The following LRGUK variants were observed in gnomAD, a reference collection of about 807,000 sequenced individuals.
LRGUK encodes leucine-rich repeat and guanylate kinase domain-containing protein.
A neutral mutation model predicts 76.0 loss-of-function variants in LRGUK; 65 were observed. The observed-to-expected ratio is 0.85, with a 90% CI of 0.70 to 1.05. The LOEUF is 1.05. LRGUK is among the 50% of genes least tolerant of loss of function. The probability of loss-of-function intolerance (pLI) is 0.00; values close to 1 mark genes in which losing one functional copy is unlikely to be tolerated. For missense variants in LRGUK, 758 were observed against 732.8 expected (o/e 1.03, Z -0.40); for synonymous variants, 268 against 265.6 (o/e 1.01, Z -0.09).
intron 5 of LRGUK, 28 bp downstream of exon 5, chr7:134,148,347 A>G: frequency 7.6e-7 from 1 of 1,315,962 alleles, no homozygotes; most frequent in Non-Finnish European, 1.1e-6. Context: ...AAAGGGGAAA[A>G]TTTTAAAAAC....
the LRGUK span, among the ~76,000 whole-genome samples, chr7:134,271,520 A>C: frequency 6.6e-6 from 1 of 151,768 alleles, no homozygotes; most frequent in Non-Finnish European, 1.5e-5. Flanking sequence ...CAGTTGTCCC[A>C]TTACTCTCCC....
chr7:134,191,601 C>A, intron 11 of LRGUK, 54 bp from the exon 12 acceptor site: 1 of 1,158,576 alleles, frequency 8.6e-7, no homozygotes, highest in Admixed American at 2.0e-5. Context: ...GAAACCTTTT[C>A]CATTTTGAAT....
intron 1 of LRGUK, among the ~76,000 whole-genome samples, chr7:134,135,358 A>G (rs1048209102): frequency 6.6e-6 from 1 of 152,140 alleles, no homozygotes; most frequent in Non-Finnish European, 1.5e-5. Context: ...AAACCACCGG[A>G]GGGGGGCAAA....
intron 6 of LRGUK, among the ~76,000 whole-genome samples, chr7:134,162,759 G>A (rs764642995): frequency 1.3e-5 from 2 of 151,152 alleles, no homozygotes; most frequent in Non-Finnish European, 2.9e-5. Context: ...CCCCAGAGGT[G>A]GAGGTTGCAG....
intron 19 of LRGUK, among the ~76,000 whole-genome samples, chr7:134,258,753 A>G (rs946755253): frequency 1.3e-5 from 2 of 151,880 alleles, no homozygotes; most frequent in African/African-American, 2.4e-5. Context: ...AGTTATATAT[A>G]TTTATATTTG....
intron 16 of LRGUK, among the ~76,000 whole-genome samples, chr7:134,233,586 T>C (rs389277): frequency 0.052 from 7,903 of 152,312 alleles, 455 homozygotes; most frequent in East Asian, 0.15. Flanking sequence ...TCAATACTCT[T>C]AGGACCCAGG....
downstream of LRGUK, among the ~76,000 whole-genome samples, chr7:134,266,895 T>G (rs1802866421): frequency 6.6e-6 from 1 of 151,876 alleles, no homozygotes; most frequent in Non-Finnish European, 1.5e-5. Context: ...CTTAAAGCAA[T>G]GAGAGGGAAA....
chr7:134,166,825 T>TA (rs1298613158), intron 7 of LRGUK, among the ~76,000 whole-genome samples: 3 of 152,342 alleles, frequency 2.0e-5, no homozygotes, highest in Admixed American at 6.5e-5. Context: ...AGATGCCATT[T>TA]AATGTCCCCG....
chr7:134,158,025 T>A lies in LRGUK; in HGVS notation c.671-10T>A. ...ATAACATTTTCCTTAAACGTAGTCATGGTGTATAGGCAATGAGATAGAAGA... is the reference window on the plus strand; with the variant it reads ...ATAACATTTTCCTTAAACGTAGTCAAGGTGTATAGGCAATGAGATAGAAGA... On this transcript the variant is annotated splice_polypyrimidine_tract_variant and intron_variant, in intron 5 of 15. Transcript: ENST00000645682. 9 of 1,601,076 alleles carry A rather than the reference T, an allele frequency of 5.6e-6. No homozygotes were observed. Among genetic ancestry groups the A allele is most frequent in the Non-Finnish European group, 6.8e-6 (8 of 1,170,602 alleles).
intron 15 of LRGUK, among the ~76,000 whole-genome samples, chr7:134,220,743 A>AT (rs1353008260): frequency 6.6e-6 from 1 of 151,766 alleles, no homozygotes; most frequent in East Asian, 1.9e-4. Flanking sequence ...TAATTTTTGT[A>AT]TTTTTTTGTA....
intron 5 of LRGUK, among the ~76,000 whole-genome samples, chr7:134,153,516 A>C (rs939043602): frequency 3.9e-5 from 6 of 152,178 alleles, no homozygotes; most frequent in Admixed American, 3.3e-4. Flanking sequence ...ATGGAATTGA[A>C]AAATTCATAG....
At chr7:134,164,549 G>A (rs574652477) in intron 7 of LRGUK, among the ~76,000 whole-genome samples, 3 of 152,184 alleles carry the variant, frequency 2.0e-5, no homozygotes, top group South Asian at 2.1e-4. Context: ...GGTCTACAAC[G>A]TTATTTTATT....
chr7:134,206,558 G>GTA (rs1050869097), intron 15 of LRGUK, among the ~76,000 whole-genome samples: 51 of 150,184 alleles, frequency 3.4e-4, no homozygotes, highest in Non-Finnish European at 5.8e-4. Context: ...ATATGTATGT[G>GTA]TATATATATA....
At chr7:134,196,166 A>C (rs931588699) in intron 12 of LRGUK, among the ~76,000 whole-genome samples, 2 of 152,218 alleles carry the variant, frequency 1.3e-5, no homozygotes, top group Non-Finnish European at 2.9e-5. Context: ...ACTCTTGCCA[A>C]GATCATCCAC....
At chr7:134,246,985 C>T (rs1250818992) in intron 16 of LRGUK, among the ~76,000 whole-genome samples, 2 of 152,144 alleles carry the variant, frequency 1.3e-5, no homozygotes, top group Non-Finnish European at 2.9e-5. Context: ...TTATTTCCTC[C>T]TTGTTTGTTG....
intron 9 of LRGUK, among the ~76,000 whole-genome samples, chr7:134,177,763 A>G (rs1282543618): frequency 1.7e-4 from 26 of 152,218 alleles, no homozygotes; most frequent in Admixed American, 1.7e-3. Flanking sequence ...GCCTTTCTGA[A>G]ATCTTGGTTA....
chr7:134,162,266 G>A (rs981306486), intron 6 of LRGUK, among the ~76,000 whole-genome samples: 7 of 152,070 alleles, frequency 4.6e-5, no homozygotes, highest in African/African-American at 1.2e-4. Context: ...CTTAGTTGGG[G>A]GCTTGGCTCA....
chr7:134,145,436 G>A (rs770325927), intron 4 of LRGUK, among the ~76,000 whole-genome samples: 11 of 151,994 alleles, frequency 7.2e-5, no homozygotes, highest in South Asian at 2.1e-4. Flanking sequence ...TAGTAGAGAC[G>A]GGGTTTCACC....
chr7:134,260,576 T>C (rs1802696022), intron 19 of LRGUK, among the ~76,000 whole-genome samples: 2 of 152,208 alleles, frequency 1.3e-5, no homozygotes. Context: ...AGGCCTTTCC[T>C]GGGTATGCAT....
Sources: gnomAD v4.1 joint callset for allele counts (sites outside exome capture counted in the v4.1 genomes callset) on GRCh38, gnomAD v4.1.1 for gene constraint, MANE v1.5 for transcripts, NCBI Gene and HGNC (gene_info 2026-07-23, HGNC 2026-07-21) for gene names.